Variants in DPH6 observed in about 807,000 individuals in gnomAD.
DPH6 encodes diphthamine biosynthesis 6, also known as diphthine--ammonia ligase.
DPH6 carries 33 observed loss-of-function variants against 38.2 expected under a neutral mutation model. The observed-to-expected ratio is 0.86, with a 90% CI of 0.65 to 1.15. DPH6 has a LOEUF of 1.15. Ranked by LOEUF, DPH6 falls within the 50% of genes most tolerant of loss-of-function variation. The pLI, the probability that DPH6 is intolerant of heterozygous loss-of-function variation, is 0.00. For synonymous variants in DPH6, 108 were observed against 103.0 expected (o/e 1.05, Z -0.30); for missense variants, 325 against 320.0 (o/e 1.02, Z -0.12).
intron 3 of DPH6, among the ~76,000 whole-genome samples, chr15:35,305,816 A>C (rs969919643): frequency 4.6e-5 from 7 of 152,202 alleles, no homozygotes; most frequent in African/African-American, 9.6e-5. Flanking sequence ...AGCATGACAT[A>C]AATACTCAGA....
At chr15:35,238,843 T>C (rs533108075) in intron 3 of DPH6, among the ~76,000 whole-genome samples, 7 of 151,358 alleles carry the variant, frequency 4.6e-5, no homozygotes, top group Non-Finnish European at 7.4e-5. Flanking sequence ...GAAGCTCCCC[T>C]ACTGAGCACC....
At chr15:35,437,214 G>A (rs372002402) in intron 5 of DPH6, among the ~76,000 whole-genome samples, 4 of 152,026 alleles carry the variant, frequency 2.6e-5, no homozygotes, top group Non-Finnish European at 4.4e-5. Context: ...GGAACGCCTC[G>A]CTCCCCTCTT....
chr15:35,228,473 G>T (rs972307322), intron 3 of DPH6, among the ~76,000 whole-genome samples: 1 of 152,118 alleles, frequency 6.6e-6, no homozygotes, highest in African/African-American at 2.4e-5. Flanking sequence ...CTGTCACCTA[G>T]GCTGGAGTGC....
chr15:35,497,491 A>ATT (rs1283906409), intron 3 of DPH6, among the ~76,000 whole-genome samples: 3 of 152,180 alleles, frequency 2.0e-5, no homozygotes, highest in Non-Finnish European at 4.4e-5. Context: ...CTTGCCCTAA[A>ATT]AGGGTTAACC....
chr15:35,157,825 T>C, the DPH6 span, among the ~76,000 whole-genome samples: 1,255 of 152,110 alleles, frequency 8.3e-3, 24 homozygotes, highest in African/African-American at 0.029. Context: ...TCACTCTCCT[T>C]CTTAAACTAA....
chr15:35,298,955 C>T lies in DPH6; in HGVS notation n.200+74566G>A. ...CAGCTCCGCCCATACTTGTTTTCCT[C>T]TTCTCTCGCTCCTAATCTTCATCTT... On this transcript the variant is annotated intron_variant and non_coding_transcript_variant, in intron 3 of 3. Coordinates refer to the DPH6 transcript ENST00000560386. 7 of 779,064 alleles carry T rather than the reference C, an allele frequency of 9.0e-6. No homozygotes were observed. In the Admixed American group the frequency reaches 1.0e-4, roughly 12 times the overall value. 48.3% of individuals were successfully genotyped at this position (779,064 alleles called of 1,614,324 possible). A position where few individuals can be genotyped will look rare whatever the true frequency, so the allele number is the denominator to read the frequency against.
chr15:35,445,600 G>A (rs2053842204), intron 5 of DPH6, among the ~76,000 whole-genome samples: 1 of 151,936 alleles, frequency 6.6e-6, no homozygotes, highest in South Asian at 2.1e-4. Flanking sequence ...TGTCATGCAT[G>A]CATGAAATAC....
chr15:35,484,824 T>G (rs1254229375), intron 3 of DPH6, among the ~76,000 whole-genome samples: 1 of 152,226 alleles, frequency 6.6e-6, no homozygotes, highest in Non-Finnish European at 1.5e-5. Flanking sequence ...TTGGATTAGT[T>G]ATATTATTCC....
intron 3 of DPH6, among the ~76,000 whole-genome samples, chr15:35,525,487 C>T (rs2054985898): frequency 6.6e-6 from 1 of 152,146 alleles, no homozygotes; most frequent in Non-Finnish European, 1.5e-5. Flanking sequence ...GATCTCATAG[C>T]ACATAGCATA....
the DPH6 span, among the ~76,000 whole-genome samples, chr15:35,178,865 AC>A: frequency 6.6e-6 from 1 of 152,170 alleles, no homozygotes; most frequent in East Asian, 1.9e-4. Context: ...ATATTTTTGT[AC>A]CCCAACCAGC....
In DPH6 at chr15:35,546,164, G is replaced by T. The variant is rs1012071004; in HGVS notation, c.-23C>A. ...CATGCTGGGCGCAGTGCGCGTGCGT[G>T]CGGCGAGCGCGGGCGGGAGCCAGGA... On this transcript the variant is annotated 5_prime_UTR_variant, in exon 1 of 9. Coordinates refer to ENST00000256538, the MANE Select transcript of DPH6 (RefSeq NM_080650.4). The T allele has an allele frequency of 7.4e-7, 1 of 1,356,804 alleles. No homozygotes were observed. The highest frequency in any genetic ancestry group is 1.5e-5 in the African/African-American group (1 of 67,072). The allele number at this position is 1,356,804 out of a possible 1,614,324, so 84.0% of individuals were successfully genotyped here.
intron 3 of DPH6, among the ~76,000 whole-genome samples, chr15:35,477,430 T>G (rs903366258): frequency 6.6e-6 from 1 of 151,760 alleles, no homozygotes; most frequent in South Asian, 2.1e-4. Flanking sequence ...ACTACAAACA[T>G]AGGTACTGCA....
chr15:35,458,813 T>C (rs978281821), intron 3 of DPH6, among the ~76,000 whole-genome samples: 1 of 152,178 alleles, frequency 6.6e-6, no homozygotes, highest in Non-Finnish European at 1.5e-5. Flanking sequence ...ATCAACTGCA[T>C]ACAGTTAAAA....
intron 3 of DPH6, among the ~76,000 whole-genome samples, chr15:35,480,187 G>T (rs2054310211): frequency 6.6e-6 from 1 of 151,892 alleles, no homozygotes. Context: ...TTTTTCCCCT[G>T]GGATGGGTTT....
At chr15:35,432,725 C>T (rs2053648019) in intron 5 of DPH6, among the ~76,000 whole-genome samples, 1 of 151,994 alleles carries the variant, frequency 6.6e-6, no homozygotes, top group African/African-American at 2.4e-5. Context: ...AAAATATATA[C>T]AATTCTTGAG....
intron 3 of DPH6, among the ~76,000 whole-genome samples, chr15:35,315,878 G>A (rs2052184270): frequency 6.6e-6 from 1 of 152,136 alleles, no homozygotes; most frequent in African/African-American, 2.4e-5. Context: ...CCCAAATCCT[G>A]TCATTTGCAG....
chr15:35,455,828 G>A (rs1223582233), intron 3 of DPH6, among the ~76,000 whole-genome samples: 3 of 152,090 alleles, frequency 2.0e-5, no homozygotes, highest in Non-Finnish European at 4.4e-5. Context: ...CAGAGAGATC[G>A]CTTCATCATG....
intron 3 of DPH6, among the ~76,000 whole-genome samples, chr15:35,236,546 G>A (rs2051552805): frequency 6.6e-6 from 1 of 152,000 alleles, no homozygotes; most frequent in Admixed American, 6.5e-5. Flanking sequence ...GGCTGAGGCA[G>A]GAGAATGGTG....
chr15:35,269,507 C>G (rs2051807153), intron 3 of DPH6, among the ~76,000 whole-genome samples: 1 of 151,638 alleles, frequency 6.6e-6, no homozygotes, highest in African/African-American at 2.4e-5. Context: ...ACGGAGTCAC[C>G]CAGGCTGGAA....
Sources: gnomAD v4.1 joint callset for allele counts (sites outside exome capture counted in the v4.1 genomes callset) on GRCh38, gnomAD v4.1.1 for gene constraint, MANE v1.5 for transcripts, NCBI Gene and HGNC (gene_info 2026-07-23, HGNC 2026-07-21) for gene names.